The following TBCK variants were observed in gnomAD, a reference collection of about 807,000 sequenced individuals.
The protein encoded by TBCK is TBC domain-containing protein kinase-like protein.
A neutral mutation model predicts 113.4 loss-of-function variants in TBCK; 99 were observed. The ratio of observed to expected loss-of-function variants is 0.87; its 90% CI spans 0.74 to 1.03. The LOEUF is 1.03. TBCK is among the 50% of genes least tolerant of loss of function. The probability of loss-of-function intolerance (pLI) is 0.00; values close to 1 mark genes in which losing one functional copy is unlikely to be tolerated. For missense variants in TBCK, 1,045 were observed against 1,061.3 expected (o/e 0.98, Z 0.21); for synonymous variants, 369 against 370.8 (o/e 1.00, Z 0.05).
intron 22 of TBCK, 117 bp from the exon 23 acceptor site, chr4:106,171,387 T>C (rs1750992217): frequency 4.2e-6 from 3 of 712,216 alleles, no homozygotes; most frequent in Non-Finnish European, 6.7e-6. Flanking sequence ...GATAAGTTAT[T>C]AGAAAAAATG....
At chr4:106,213,163 G>A (rs917480536) in intron 19 of TBCK, among the ~76,000 whole-genome samples, 1 of 152,112 alleles carries the variant, frequency 6.6e-6, no homozygotes, top group African/African-American at 2.4e-5. Context: ...TGTATTTCTT[G>A]AATGTTCAGA....
intron 20 of TBCK, among the ~76,000 whole-genome samples, chr4:106,206,413 A>C (rs1039206596): frequency 6.6e-6 from 1 of 152,172 alleles, no homozygotes; most frequent in African/African-American, 2.4e-5. Flanking sequence ...AAGCTTCACT[A>C]CGAGAGAGAG....
At chr4:106,264,152 A>G (rs528931859) in intron 3 of TBCK, among the ~76,000 whole-genome samples, 2 of 152,094 alleles carry the variant, frequency 1.3e-5, no homozygotes, top group South Asian at 4.1e-4. Context: ...ACATTATCAA[A>G]CAGTAAGTGG....
At chr4:106,146,722 C>T (rs1458447921) in intron 23 of TBCK, among the ~76,000 whole-genome samples, 1 of 152,128 alleles carries the variant, frequency 6.6e-6, no homozygotes, top group Non-Finnish European at 1.5e-5. Context: ...GTAATGGTTG[C>T]TGAAGGCTGA....
chr4:106,114,591 G>T (rs571318635), intron 24 of TBCK, among the ~76,000 whole-genome samples: 1 of 152,144 alleles, frequency 6.6e-6, no homozygotes, highest in African/African-American at 2.4e-5. Context: ...CCTCTAGCCC[G>T]CTTTTTCACT....
chr4:106,209,421 C>G (rs963768222), intron 20 of TBCK, among the ~76,000 whole-genome samples: 3 of 152,140 alleles, frequency 2.0e-5, no homozygotes, highest in African/African-American at 7.2e-5. Flanking sequence ...TTTTGTACTA[C>G]TCCTGAATTT....
intron 2 of TBCK, among the ~76,000 whole-genome samples, chr4:106,299,105 A>G (rs1265876505): frequency 6.6e-6 from 1 of 152,226 alleles, no homozygotes; most frequent in Non-Finnish European, 1.5e-5. Flanking sequence ...ACAGTAGTAC[A>G]TCACAGGAGC....
chr4:106,231,584 A>G (rs1265146334), intron 18 of TBCK, 145 bp downstream of exon 18: 1 of 618,542 alleles, frequency 1.6e-6, no homozygotes, highest in Non-Finnish European at 2.7e-6. Context: ...TCACATCTCT[A>G]AAATGAGTCT....
intron 19 of TBCK, among the ~76,000 whole-genome samples, chr4:106,224,807 A>G (rs1758061459): frequency 6.6e-6 from 1 of 152,106 alleles, no homozygotes; most frequent in Admixed American, 6.5e-5. Context: ...CCCTGTCCTA[A>G]GAATGTCTTT....
chr4:106,109,929 A>G (rs1336745741), intron 24 of TBCK, among the ~76,000 whole-genome samples: 1 of 152,218 alleles, frequency 6.6e-6, no homozygotes, highest in Non-Finnish European at 1.5e-5. Context: ...TTGGAAAAGC[A>G]TTTGGCTGAA....
intron 12 of TBCK, among the ~76,000 whole-genome samples, chr4:106,242,026 A>C (rs1201681006): frequency 6.6e-6 from 1 of 152,046 alleles, no homozygotes; most frequent in Non-Finnish European, 1.5e-5. Flanking sequence ...CAAATCAATA[A>C]GAAATCACTC....
At chr4:106,061,164 ATTGAC>A (rs1164230191) in intron 25 of TBCK, among the ~76,000 whole-genome samples, 1 of 151,898 alleles carries the variant, frequency 6.6e-6, no homozygotes, top group Non-Finnish European at 1.5e-5. Flanking sequence ...ATTGGAGAGT[ATTGAC>A]TTGATTTGGA....
chr4:106,212,686 C>G (rs866817151), intron 20 of TBCK, 64 bp downstream of exon 20: 3 of 1,193,700 alleles, frequency 2.5e-6, no homozygotes, highest in Non-Finnish European at 3.7e-6. Flanking sequence ...ATACACTCTT[C>G]TGTGCTAATA....
intron 23 of TBCK, among the ~76,000 whole-genome samples, chr4:106,126,006 T>C (rs1326424639): frequency 6.6e-6 from 1 of 152,238 alleles, no homozygotes; most frequent in African/African-American, 2.4e-5. Context: ...TTTTATCTTA[T>C]ACCTCTTTTC....
intron 23 of TBCK, among the ~76,000 whole-genome samples, chr4:106,119,077 T>C (rs537567484): frequency 2.0e-5 from 3 of 152,326 alleles, no homozygotes; most frequent in Admixed American, 1.3e-4. Context: ...CATACTTTTA[T>C]AAGCAAATTT....
intron 25 of TBCK, among the ~76,000 whole-genome samples, chr4:106,072,439 C>CTGG (rs574903325): frequency 0.013 from 1,940 of 152,322 alleles, 21 homozygotes; most frequent in South Asian, 0.024. Flanking sequence ...TCTCTTCTGG[C>CTGG]TGGTAGAGTG....
At chr4:106,191,611 G>A (rs1445534885) in intron 22 of TBCK, among the ~76,000 whole-genome samples, 2 of 152,126 alleles carry the variant, frequency 1.3e-5, no homozygotes, top group East Asian at 3.9e-4. Flanking sequence ...TATCATCAAT[G>A]CATTGAGATG....
At chr4:106,211,018 C>T (rs1319394237) in intron 20 of TBCK, among the ~76,000 whole-genome samples, 1 of 152,076 alleles carries the variant, frequency 6.6e-6, no homozygotes, top group Admixed American at 6.6e-5. Context: ...GTCTCAAACT[C>T]CTAGCCTCAA....
chr4:106,175,730 A>G (rs1751587840), intron 22 of TBCK, among the ~76,000 whole-genome samples: 1 of 152,094 alleles, frequency 6.6e-6, no homozygotes, highest in Admixed American at 6.6e-5. Context: ...ACAACAATGA[A>G]GAATGCTGCC....
Sources: allele counts gnomAD v4.1 joint callset (sites outside exome capture counted in the v4.1 genomes callset), GRCh38; gene constraint gnomAD v4.1.1; transcripts MANE v1.5; gene names NCBI Gene and HGNC (gene_info 2026-07-23, HGNC 2026-07-21).